Variants in FRMD7 observed in about 807,000 individuals in gnomAD.
The protein encoded by FRMD7 is FERM domain containing 7, also known as FERM domain-containing protein 7.
In FRMD7, 14 loss-of-function variants were observed where a neutral mutation model predicts 44.1. That is an observed-to-expected ratio of 0.32 (90% CI 0.21 to 0.50). The LOEUF (loss-of-function observed/expected upper bound fraction) is 0.50, where lower values mean the gene tolerates loss of function less well. FRMD7 is among the 20% of genes least tolerant of loss of function. The pLI is 0.99. For synonymous variants in FRMD7, 212 were observed against 187.4 expected (o/e 1.13, Z -1.07); for missense variants, 501 against 522.3 (o/e 0.96, Z 0.40).
intron 5 of FRMD7, among the ~76,000 whole-genome samples, chrX:132,088,422 A>G (rs1928064272): frequency 9.0e-6 from 1 of 110,806 alleles, no homozygotes; most frequent in Admixed American, 9.6e-5. Flanking sequence ...GTGGTGGCAC[A>G]TGCCTGTGGT....
At chrX:132,126,846 A>C (rs1929167767) in intron 1 of FRMD7, among the ~76,000 whole-genome samples, 1 of 112,201 alleles carries the variant, frequency 8.9e-6, no homozygotes, top group Non-Finnish European at 1.9e-5. Flanking sequence ...ACAGCAGATG[A>C]AGACATGAAG....
chrX:132,082,238 G>T, intron 9 of FRMD7, 125 bp downstream of exon 9: 1 of 625,615 alleles, frequency 1.6e-6, no homozygotes, highest in Non-Finnish European at 2.7e-6. Flanking sequence ...GCAGGAAAGG[G>T]TGCAATCTTT....
In FRMD7 at chrX:132,076,999, T is replaced by G. The variant is rs1397577318; in HGVS notation, c.*873A>C. 1 of 112,090 alleles carries G rather than the reference T, an allele frequency of 8.9e-6. No individual in the cohort carries two copies. Among genetic ancestry groups the G allele is most frequent in the Non-Finnish European group, 1.9e-5 (1 of 53,183 alleles). The allele number at this position is 112,090 out of a possible 1,213,427, so 9.2% of individuals were successfully genotyped here. A position where few individuals can be genotyped will look rare whatever the true frequency, so the allele number is the denominator to read the frequency against. ...AACAAAAGGAAGAACATAGTTATAATTTATTTTTTAATTACCTGGATTTTC... is the reference window on the plus strand; with the variant it reads ...AACAAAAGGAAGAACATAGTTATAAGTTATTTTTTAATTACCTGGATTTTC... On this transcript the variant is annotated 3_prime_UTR_variant, in exon 12 of 12. Coordinates refer to ENST00000298542, the MANE Select transcript of FRMD7 (RefSeq NM_194277.3).
chrX:132,079,905 T>C, intron 11 of FRMD7, 101 bp downstream of exon 11: 1 of 642,085 alleles, frequency 1.6e-6, no homozygotes, highest in Non-Finnish European at 2.7e-6. Flanking sequence ...CAGAGTAACC[T>C]TTTTACACAC....
chrX:132,126,209 G>C (rs1316340079), intron 1 of FRMD7, among the ~76,000 whole-genome samples: 1 of 111,550 alleles, frequency 9.0e-6, no homozygotes, highest in Non-Finnish European at 1.9e-5. Flanking sequence ...GCCACTCACA[G>C]TACTGCAGCC....
intron 1 of FRMD7, among the ~76,000 whole-genome samples, chrX:132,104,199 A>C (rs1928583930): frequency 8.9e-6 from 1 of 112,479 alleles, no homozygotes; most frequent in Non-Finnish European, 1.9e-5. Context: ...AGATATATGC[A>C]TAGTAATAAA....
At chrX:132,112,760 A>T (rs1253886767) in intron 1 of FRMD7, among the ~76,000 whole-genome samples, 1 of 110,913 alleles carries the variant, frequency 9.0e-6, no homozygotes, top group African/African-American at 3.3e-5. Flanking sequence ...ATGCCAACCA[A>T]ACCAAGCTAG....
intron 1 of FRMD7, among the ~76,000 whole-genome samples, chrX:132,104,458 C>T (rs939513477): frequency 9.0e-5 from 10 of 111,189 alleles, no homozygotes; most frequent in African/African-American, 2.6e-4. Context: ...TTTGGGAGGC[C>T]GAGGTGGTGG....
chrX:132,120,535 A>G (rs1929009065), intron 1 of FRMD7, among the ~76,000 whole-genome samples: 1 of 112,708 alleles, frequency 8.9e-6, no homozygotes, highest in Non-Finnish European at 1.9e-5. Flanking sequence ...CCAGTTCCCC[A>G]ATCTCTTCCG....
rs867269908 is a variant in FRMD7, at chrX:132,107,584, T to A, written c.58-6868A>T. On this transcript the variant is annotated intron_variant, in intron 1 of 11. Transcript: ENST00000298542. Reference sequence around the variant, plus strand: ...TCTTGGTTTGTAAATGGCTGCCTTTTCACTATATTTCTACATGGTGGAGAG... The same window carrying A: ...TCTTGGTTTGTAAATGGCTGCCTTTACACTATATTTCTACATGGTGGAGAG... 5.6e-5 allele frequency among the ~76,000 whole-genome samples: 5 copies of A among 89,585 alleles called. 1 individual carries two copies. The Middle Eastern group carries it at 0.023, about 419-fold the overall frequency. 77.8% of individuals were successfully genotyped at this position (89,585 alleles called of 115,157 possible).
intron 5 of FRMD7, among the ~76,000 whole-genome samples, chrX:132,087,203 A>G (rs994350503): frequency 1.8e-5 from 2 of 111,570 alleles, no homozygotes; most frequent in African/African-American, 6.5e-5. Context: ...CTTCCCCTGA[A>G]GTCAAACTTT....
rs773237595 is a variant in FRMD7, at chrX:132,080,269, A to G, written c.906-3T>C. On this transcript the variant is annotated splice_region_variant and splice_polypyrimidine_tract_variant and intron_variant, in intron 9 of 11. Transcript: ENST00000298542. ...AAAGTTGCCTTTGGGTTCGTCCACT[A>G]TCATAAGGAACAATAAAAATCCTTA... 12 of 1,156,966 alleles carry G rather than the reference A, an allele frequency of 1.0e-5. No homozygotes were observed. Among genetic ancestry groups the G allele is most frequent in the South Asian group, 1.8e-5 (1 of 55,669 alleles).
At chrX:132,126,784 G>A (rs1467583672) in intron 1 of FRMD7, among the ~76,000 whole-genome samples, 3 of 111,874 alleles carry the variant, frequency 2.7e-5, no homozygotes, top group African/African-American at 9.8e-5. Context: ...ATTCAGGTCC[G>A]TGGAACTAGA....
chrX:132,087,215 G>A (rs766570770), intron 5 of FRMD7, among the ~76,000 whole-genome samples: 9 of 111,328 alleles, frequency 8.1e-5, no homozygotes, highest in African/African-American at 2.9e-4. Context: ...TCAAACTTTA[G>A]AATACTTGGT....
At chrX:132,108,503 C>T (rs888582769) in intron 1 of FRMD7, among the ~76,000 whole-genome samples, 1 of 111,738 alleles carries the variant, frequency 8.9e-6, no homozygotes, top group African/African-American at 3.3e-5. Flanking sequence ...ATAGGAAGAA[C>T]TCAATAAGTG....
chrX:132,085,587 C>T lies in FRMD7; in HGVS notation c.639G>A (p.Val213=). The T allele has an allele frequency of 1.7e-6, 2 of 1,211,031 alleles. No individual in the cohort carries two copies. The highest frequency in any genetic ancestry group is 1.8e-5 in the South Asian group (1 of 56,916). ...HLAVAHMGVL[V]LRGNTKINTF... ...GAAAGGAAAGAGATTTTACCCGTAA[C>T]ACCAGTACTCCCATGTGAGCAACAG... Residue 213 remains valine (V), a synonymous_variant, in exon 7 of 12, where the codon GTG becomes GTA. Coordinates refer to ENST00000298542, the MANE Select transcript of FRMD7 (RefSeq NM_194277.3).
intron 1 of FRMD7, among the ~76,000 whole-genome samples, chrX:132,125,014 T>C (rs1005077611): frequency 8.9e-6 from 1 of 112,036 alleles, no homozygotes; most frequent in African/African-American, 3.2e-5. Flanking sequence ...GGATCATATA[T>C]CTAATTCTTC....
intron 1 of FRMD7, among the ~76,000 whole-genome samples, chrX:132,122,257 T>C (rs938766317): frequency 8.9e-6 from 1 of 111,889 alleles, no homozygotes; most frequent in Non-Finnish European, 1.9e-5. Flanking sequence ...GCTAGGATCA[T>C]CTCCACTTTA....
chrX:132,116,343 T>C (rs1415191341), intron 1 of FRMD7, among the ~76,000 whole-genome samples: 2 of 111,854 alleles, frequency 1.8e-5, no homozygotes, highest in African/African-American at 6.5e-5. Flanking sequence ...AGAATGACCT[T>C]TCTTTCTGGC....
Sources: gnomAD v4.1 joint callset for allele counts (sites outside exome capture counted in the v4.1 genomes callset) on GRCh38, gnomAD v4.1.1 for gene constraint, MANE v1.5 for transcripts, NCBI Gene and HGNC (gene_info 2026-07-23, HGNC 2026-07-21) for gene names.